The following CFAP299 variants were observed in gnomAD, a reference collection of about 807,000 sequenced individuals.
CFAP299 encodes cilia and flagella associated protein 299.
A neutral mutation model predicts 27.0 loss-of-function variants in CFAP299; 21 were observed. The observed-to-expected ratio is 0.78, with a 90% CI of 0.55 to 1.12. The LOEUF is 1.12. Among genes scored for constraint, CFAP299 ranks in the 50% most tolerant of loss-of-function variants. The pLI is 0.00. For missense variants in CFAP299, 310 were observed against 276.6 expected, an observed-to-expected ratio of 1.12 and a Z score of -0.86; for synonymous variants, 104 against 98.1, an observed-to-expected ratio of 1.06 and a Z score of -0.36.
chr4:80,632,345 C>A (rs1244076099), intron 3 of CFAP299, among the ~76,000 whole-genome samples: 1 of 152,060 alleles, frequency 6.6e-6, no homozygotes, highest in African/African-American at 2.4e-5. Flanking sequence ...TTAATTTGCT[C>A]ATTCATTCAA....
chr4:80,927,850 T>C lies in CFAP299; in HGVS notation c.477-16960T>C, dbSNP rs539672286. Among the ~76,000 whole-genome samples, 9 of 152,236 alleles carry C rather than the reference T, an allele frequency of 5.9e-5. No individual in the cohort carries two copies. In the South Asian group the frequency reaches 1.9e-3, roughly 32 times the overall value. ...TCTTCCCATTTTAAGGTCAAATCACTAGTAAACTGACAAAGTCAGCAAAGT... is the reference window on the plus strand; with the variant it reads ...TCTTCCCATTTTAAGGTCAAATCACCAGTAAACTGACAAAGTCAGCAAAGT... On this transcript the variant is annotated intron_variant, in intron 4 of 5. Transcript: ENST00000358105.
intron 5 of CFAP299, among the ~76,000 whole-genome samples, chr4:80,963,239 C>T (rs971932130): frequency 9.9e-5 from 15 of 151,986 alleles, no homozygotes; most frequent in Non-Finnish European, 1.8e-4. Flanking sequence ...GTTAGTGACT[C>T]ATGGGGTTCA....
intron 4 of CFAP299, among the ~76,000 whole-genome samples, chr4:80,879,177 A>G (rs1293027286): frequency 6.6e-6 from 1 of 152,156 alleles, no homozygotes; most frequent in African/African-American, 2.4e-5. Context: ...GGGCATCAGG[A>G]AATATCAGTT....
intron 2 of CFAP299, among the ~76,000 whole-genome samples, chr4:80,506,891 C>CA (rs915295447): frequency 1.3e-5 from 2 of 152,008 alleles, no homozygotes; most frequent in South Asian, 2.1e-4. Context: ...ATAAAGAAAA[C>CA]AAAAAAGCTG....
At chr4:80,331,954 AG>A (rs1721957618), upstream of CFAP299, among the ~76,000 whole-genome samples, 1 of 152,198 alleles carries the variant, frequency 6.6e-6, no homozygotes, top group Admixed American at 6.5e-5. Context: ...TAAGGAGAAA[AG>A]GGGCTAGCAA....
chr4:80,962,710 C>T (rs1738405155), intron 5 of CFAP299, among the ~76,000 whole-genome samples: 1 of 151,880 alleles, frequency 6.6e-6, no homozygotes, highest in African/African-American at 2.4e-5. Context: ...TCTCTTTATC[C>T]TCAATTCTAA....
chr4:80,421,026 G>A (rs978501184), intron 2 of CFAP299, among the ~76,000 whole-genome samples: 3 of 151,830 alleles, frequency 2.0e-5, no homozygotes, highest in Non-Finnish European at 4.4e-5. Flanking sequence ...TTGGTGCCAG[G>A]GTCTGGTTTG....
At chr4:80,608,532 A>C (rs757611411) in intron 3 of CFAP299, 4 of 522,244 alleles carry the variant, frequency 7.7e-6, no homozygotes, top group Non-Finnish European at 1.4e-5. Context: ...TAGTGCTTTT[A>C]TTGCAATGTA....
Position 80,659,029 on chromosome 4 carries a change from T to C in CFAP299, c.333+75846T>C, listed in dbSNP as rs200014265. Among the ~76,000 whole-genome samples, 4 of 152,234 alleles carry C rather than the reference T, an allele frequency of 2.6e-5. No homozygotes were observed. The East Asian group carries it at 7.7e-4, about 29-fold the overall frequency. On this transcript the variant is annotated intron_variant, in intron 3 of 5. Coordinates refer to ENST00000358105, the MANE Select transcript of CFAP299 (RefSeq NM_152770.3). Reference sequence around the variant, plus strand: ...AAGACCATGCCAAAAGTTAAAGATATACAGACTTTATGAAATATTTAATTT... The same window carrying C: ...AAGACCATGCCAAAAGTTAAAGATACACAGACTTTATGAAATATTTAATTT...
chr4:80,712,919 G>T (rs897433111), intron 3 of CFAP299, among the ~76,000 whole-genome samples: 2 of 152,018 alleles, frequency 1.3e-5, no homozygotes, highest in African/African-American at 4.8e-5. Context: ...TCTCTTAGTG[G>T]AGTGCCCTAT....
rs1042337026 is a variant in CFAP299, at chr4:80,572,474, T to C, written c.243-10619T>C. Among the ~76,000 whole-genome samples the C allele has an allele frequency of 4.0e-5, 6 of 150,168 alleles. No homozygotes were observed. The Admixed American group carries it at 4.1e-4, about 10-fold the overall frequency. ...TTTACTTAACAAAATTACCTCAAGT[T>C]TCATGTATGTTGTTGCACATGACTG... On this transcript the variant is annotated intron_variant, in intron 2 of 5. Coordinates refer to ENST00000358105, the MANE Select transcript of CFAP299 (RefSeq NM_152770.3).
chr4:80,642,181 C>A lies in CFAP299; in HGVS notation c.333+58998C>A, dbSNP rs539436816. 1.2e-4 allele frequency among the ~76,000 whole-genome samples: 19 copies of A among 152,232 alleles called. No homozygotes were observed. The South Asian group carries it at 3.9e-3, about 32-fold the overall frequency. On this transcript the variant is annotated intron_variant, in intron 3 of 5. Coordinates refer to ENST00000358105, the MANE Select transcript of CFAP299 (RefSeq NM_152770.3). ...TAGTTCAGGGAGATTAATCTGTTAA[C>A]TGTGTAAAGCTATGGAAGGATACAG...
In CFAP299 at chr4:80,800,498, A is replaced by C. The variant is rs905187217; in HGVS notation, c.334-69495A>C. Among the ~76,000 whole-genome samples, 6 of 2,310 alleles carry C rather than the reference A, an allele frequency of 2.6e-3. 1 individual carries two copies. Among genetic ancestry groups the C allele is most frequent in the East Asian group, 0.031 (1 of 32 alleles). The allele number at this position is 2,310 out of a possible 152,430, so 1.5% of individuals were successfully genotyped here. A position where few individuals can be genotyped will look rare whatever the true frequency, so the allele number is the denominator to read the frequency against. ...ATATATTATATAATATATAATATAT[A>C]ATATATTATATAATATATAATATAT... On this transcript the variant is annotated intron_variant, in intron 3 of 5. Transcript: ENST00000358105.
At chr4:80,866,059 T>TTATACATATATA (rs1732712598) in intron 3 of CFAP299, among the ~76,000 whole-genome samples, 1 of 58,374 alleles carries the variant, frequency 1.7e-5, no homozygotes, top group African/African-American at 3.8e-5. Flanking sequence ...ACTTAAAGTA[T>TTATACATATATA]TATATATATA....
chr4:80,951,456 C>G (rs61568501), intron 5 of CFAP299, among the ~76,000 whole-genome samples: 2,923 of 152,234 alleles, frequency 0.019, 103 homozygotes, highest in African/African-American at 0.067. Flanking sequence ...CACAATTGTT[C>G]AAACATAACA....
intron 3 of CFAP299, among the ~76,000 whole-genome samples, chr4:80,853,464 A>C (rs1731643241): frequency 6.6e-6 from 1 of 152,228 alleles, no homozygotes; most frequent in South Asian, 2.1e-4. Flanking sequence ...AGAGAGACCA[A>C]GGAAGATTTC....
chr4:80,929,279 T>C (rs1452665946), intron 4 of CFAP299, among the ~76,000 whole-genome samples: 1 of 152,008 alleles, frequency 6.6e-6, no homozygotes, highest in East Asian at 1.9e-4. Flanking sequence ...ATCCGGTCTC[T>C]GGCACCACTA....
intron 4 of CFAP299, chr4:80,871,016 C>A: frequency 1.9e-6 from 1 of 518,630 alleles, no homozygotes; most frequent in Non-Finnish European, 2.5e-6. Flanking sequence ...AAGCAATTCT[C>A]TTGTCTCAGC....
intron 3 of CFAP299, among the ~76,000 whole-genome samples, chr4:80,694,440 A>G (rs1720958880): frequency 1.3e-5 from 2 of 152,234 alleles, no homozygotes; most frequent in African/African-American, 2.4e-5. Context: ...AGAACAATGC[A>G]TATCTATATT....
Sources: allele counts gnomAD v4.1 joint callset (sites outside exome capture counted in the v4.1 genomes callset), GRCh38; gene constraint gnomAD v4.1.1; transcripts MANE v1.5; gene names NCBI Gene and HGNC (gene_info 2026-07-23, HGNC 2026-07-21).